Variants in DOCK3 observed in about 807,000 individuals in gnomAD.
DOCK3 encodes the protein dedicator of cytokinesis 3.
In DOCK3, 60 loss-of-function variants were observed where a neutral mutation model predicts 265.6. That is an observed-to-expected ratio of 0.23 (90% CI 0.18 to 0.28). The LOEUF (loss-of-function observed/expected upper bound fraction) is 0.28. Among genes scored for constraint, DOCK3 ranks in the 10% least tolerant of loss-of-function variants. DOCK3 has a pLI of 1.00. For missense variants in DOCK3, 1,981 were observed against 2,594.3 expected, an observed-to-expected ratio of 0.76 and a Z score of 5.14; for synonymous variants, 881 against 938.0, an observed-to-expected ratio of 0.94 and a Z score of 1.11.
chr3:51,024,789 ACT>A (rs1317091619), intron 5 of DOCK3, among the ~76,000 whole-genome samples: 1 of 152,052 alleles, frequency 6.6e-6, no homozygotes, highest in Admixed American at 6.5e-5. Flanking sequence ...TGTGACATAG[ACT>A]CTGAGATTCC....
chr3:51,309,927 T>G (rs911416220), intron 27 of DOCK3, among the ~76,000 whole-genome samples: 2 of 152,248 alleles, frequency 1.3e-5, no homozygotes, highest in African/African-American at 2.4e-5. Flanking sequence ...CCAGTTTGGC[T>G]AGACCTTAGT....
At position 50,933,875 on chromosome 3, in the gene DOCK3, T is replaced by A. The variant is rs1311614754; in HGVS notation, c.219-106T>A. On this transcript the variant is annotated intron_variant, in intron 4 of 52. Transcript: ENST00000266037. ...CAATTAGATATACTTCTTTTTTATT[T>A]GCATAAATTTAAAATTTGAGTTAAA... 4.6e-6 allele frequency: 3 copies of A among 654,126 alleles called. No homozygotes were observed. In the African/African-American group the frequency reaches 5.4e-5, roughly 12 times the overall value. The allele number at this position is 654,126 out of a possible 1,614,324, so 40.5% of individuals were successfully genotyped here.
At chr3:50,713,265 G>GC (rs1399633724) in intron 1 of DOCK3, among the ~76,000 whole-genome samples, 1 of 152,098 alleles carries the variant, frequency 6.6e-6, no homozygotes, top group African/African-American at 2.4e-5. Context: ...TTTCTCCAGG[G>GC]GTATGTGTGC....
At chr3:50,698,258 A>G (rs191191743) in intron 1 of DOCK3, among the ~76,000 whole-genome samples, 1 of 152,064 alleles carries the variant, frequency 6.6e-6, no homozygotes, top group African/African-American at 2.4e-5. Context: ...ATTTCATATA[A>G]ATGGAATCAT....
Position 51,381,494 on chromosome 3 carries a change from C to A in DOCK3, c.6028C>A (p.Pro2010Thr). ...AGGCCTGCACCGCAAGGCTCCATTG[C>A]CTCCTGGGAGCGCTAAGGAGGAGCA... ...PRGLHRKAPLPPGSAKEEQAR... is the reference protein window; with the variant it reads ...PRGLHRKAPLTPGSAKEEQAR... The change falls in exon 53 of 53, where the codon CCT becomes ACT. Residue 2010 changes from proline (P) to threonine (T), a missense_variant. Around this residue, in one of 4 missense-constraint regions of DOCK3, gnomAD observed 149 missense variants for 144.7 expected, o/e 1.03. Transcript: ENST00000266037. The surrounding 1 kb of genome is among the most constrained non-coding windows in gnomAD (Gnocchi z 5.6). 1 of 1,584,966 alleles carries A rather than the reference C, an allele frequency of 6.3e-7. No individual in the cohort carries two copies. The highest frequency in any genetic ancestry group is 8.6e-7 in the Non-Finnish European group (1 of 1,166,606).
intron 3 of DOCK3, chr3:50,877,577 G>T: frequency 1.9e-6 from 1 of 518,858 alleles, no homozygotes; most frequent in African/African-American, 1.9e-5. Flanking sequence ...CGAGGATTCA[G>T]CTTGATGGCA....
chr3:50,802,013 C>T (rs1023153053), intron 2 of DOCK3, among the ~76,000 whole-genome samples: 5 of 152,096 alleles, frequency 3.3e-5, no homozygotes, highest in African/African-American at 9.7e-5. Flanking sequence ...TATAGCTATT[C>T]ATGCTCACTT....
intron 5 of DOCK3, among the ~76,000 whole-genome samples, chr3:50,991,812 A>G (rs2078115895): frequency 6.6e-6 from 1 of 152,208 alleles, no homozygotes; most frequent in Non-Finnish European, 1.5e-5. Flanking sequence ...GCCACATGAC[A>G]CATACTGTAC....
intron 5 of DOCK3, among the ~76,000 whole-genome samples, chr3:50,947,728 C>T (rs1400256587): frequency 1.3e-5 from 2 of 151,710 alleles, no homozygotes; most frequent in Admixed American, 6.6e-5. Context: ...TAAAAAGACC[C>T]GAAATAAATA....
chr3:50,962,940 A>G (rs1184102951), intron 5 of DOCK3, among the ~76,000 whole-genome samples: 1 of 152,174 alleles, frequency 6.6e-6, no homozygotes, highest in Non-Finnish European at 1.5e-5. Context: ...TAATCCCATC[A>G]CTTTGGGAGG....
chr3:50,839,685 G>C (rs530687719), intron 2 of DOCK3, among the ~76,000 whole-genome samples: 2 of 112,420 alleles, frequency 1.8e-5, no homozygotes, highest in Non-Finnish European at 3.7e-5. Flanking sequence ...TTTTTAATTG[G>C]GCTGTTTTCT....
At chr3:50,852,053 T>C (rs1416254239) in intron 3 of DOCK3, among the ~76,000 whole-genome samples, 1 of 152,234 alleles carries the variant, frequency 6.6e-6, no homozygotes, top group African/African-American at 2.4e-5. Context: ...CTGGCTTGCT[T>C]AGATCCCCAG....
chr3:50,816,478 C>T (rs548523948), intron 2 of DOCK3, among the ~76,000 whole-genome samples: 4 of 151,884 alleles, frequency 2.6e-5, no homozygotes, highest in Admixed American at 2.0e-4. Flanking sequence ...CCCACCACTA[C>T]GCCAGCTAAT....
chr3:50,874,022 GTT>G (rs2047567113), intron 3 of DOCK3, among the ~76,000 whole-genome samples: 1 of 142,258 alleles, frequency 7.0e-6, no homozygotes, highest in Non-Finnish European at 1.5e-5. Context: ...ACTTGCCTGA[GTT>G]TTGGTTTTCA....
chr3:51,246,993 CT>C (rs767629606), intron 22 of DOCK3, among the ~76,000 whole-genome samples, 186 bp downstream of exon 22: 1 of 152,102 alleles, frequency 6.6e-6, no homozygotes, highest in Non-Finnish European at 1.5e-5. Flanking sequence ...GCTTTTATTC[CT>C]GATAATTTTA....
At chr3:51,239,555 G>GT (rs778591592) in intron 21 of DOCK3, among the ~76,000 whole-genome samples, 186 of 128,488 alleles carry the variant, frequency 1.4e-3, no homozygotes, top group South Asian at 5.5e-3. Flanking sequence ...CTGGTCCTGG[G>GT]TTTTTTTTTT....
chr3:50,911,703 TGAGA>T (rs4028309), intron 4 of DOCK3, among the ~76,000 whole-genome samples: 18 of 150,120 alleles, frequency 1.2e-4, no homozygotes, highest in Non-Finnish European at 1.9e-4. Flanking sequence ...AATTGTTTTT[TGAGA>T]GAGAGAGAGA....
At chr3:51,058,183 G>T (rs1460805699) in intron 5 of DOCK3, among the ~76,000 whole-genome samples, 1 of 152,156 alleles carries the variant, frequency 6.6e-6, no homozygotes, top group Non-Finnish European at 1.5e-5. Context: ...ATTCCAAAAT[G>T]CAGGAAGCAG....
intron 12 of DOCK3, among the ~76,000 whole-genome samples, chr3:51,190,563 C>G (rs1466814078): frequency 6.6e-6 from 1 of 152,182 alleles, no homozygotes; most frequent in Admixed American, 6.5e-5. Flanking sequence ...TTTCTCCTTT[C>G]TGGACACAGT....
Sources: gnomAD v4.1 joint callset for allele counts (sites outside exome capture counted in the v4.1 genomes callset) on GRCh38, gnomAD v4.1.1 for gene constraint, gnomAD v4.1.1 regional missense constraint, Gnocchi (gnomAD v3.1) non-coding constraint, MANE v1.5 for transcripts, NCBI Gene and HGNC (gene_info 2026-07-23, HGNC 2026-07-21) for gene names.